The following TMC1 variants were observed in gnomAD, a reference collection of about 807,000 sequenced individuals.
TMC1 encodes the protein transmembrane channel-like protein 1.
In TMC1, 84 loss-of-function variants were observed where a neutral mutation model predicts 105.8. The ratio of observed to expected loss-of-function variants is 0.79; its 90% CI spans 0.67 to 0.95. The LOEUF is 0.95. TMC1 is among the 40% of genes least tolerant of loss of function. The probability of loss-of-function intolerance (pLI) is 0.00; values close to 1 mark genes in which losing one functional copy is unlikely to be tolerated. For missense variants in TMC1, 817 were observed against 914.1 expected (o/e 0.89, Z 1.37); for synonymous variants, 315 against 311.5 (o/e 1.01, Z -0.12).
At chr9:72,804,559 C>T (rs1468852423) in intron 17 of TMC1, among the ~76,000 whole-genome samples, 6 of 152,022 alleles carry the variant, frequency 3.9e-5, no homozygotes, top group South Asian at 2.1e-4. Flanking sequence ...CAAATTTTTC[C>T]GTTTTTAATC....
rs889599226 is a variant in TMC1 at position 72,796,310 on chromosome 9, A to G, written c.1566+3958A>G. 2.6e-5 allele frequency among the ~76,000 whole-genome samples: 4 copies of G among 152,290 alleles called. No individual in the cohort carries two copies. The South Asian group carries it at 8.3e-4, about 32-fold the overall frequency. On this transcript the variant is annotated intron_variant, in intron 17 of 23. Transcript: ENST00000297784. ...AGATGTACAAAGAAGAACTGGTAACATTCCTACTGAAGCTATTTCACGAAA... is the reference window on the plus strand; with the variant it reads ...AGATGTACAAAGAAGAACTGGTAACGTTCCTACTGAAGCTATTTCACGAAA...
chr9:72,638,017 A>C (rs1825563427), intron 4 of TMC1, among the ~76,000 whole-genome samples: 1 of 151,986 alleles, frequency 6.6e-6, no homozygotes, highest in African/African-American at 2.4e-5. Flanking sequence ...GAAGCCGTGT[A>C]GATCTTATGG....
intron 17 of TMC1, among the ~76,000 whole-genome samples, chr9:72,802,424 A>G (rs1434998226): frequency 6.6e-6 from 1 of 152,186 alleles, no homozygotes; most frequent in Non-Finnish European, 1.5e-5. Flanking sequence ...TTGTGTGATT[A>G]TATAATTGGA....
chr9:72,619,190 A>AATG (rs1374836533), intron 3 of TMC1, among the ~76,000 whole-genome samples: 2 of 152,216 alleles, frequency 1.3e-5, no homozygotes, highest in Admixed American at 6.5e-5. Context: ...AGTGTCCAGA[A>AATG]ATGGAATAAT....
chr9:72,832,779 G>A (rs569738503), intron 23 of TMC1, among the ~76,000 whole-genome samples: 1 of 152,184 alleles, frequency 6.6e-6, no homozygotes, highest in East Asian at 1.9e-4. Context: ...TATCAGACTA[G>A]TTTTTAATGA....
intron 3 of TMC1, among the ~76,000 whole-genome samples, chr9:72,625,668 A>G (rs1251446482): frequency 6.7e-6 from 1 of 149,950 alleles, no homozygotes; most frequent in Non-Finnish European, 1.5e-5. Flanking sequence ...AGCCTGGGTG[A>G]CAGAGCGAGA....
chr9:72,771,713 T>G (rs1827929634), intron 12 of TMC1, among the ~76,000 whole-genome samples: 1 of 152,148 alleles, frequency 6.6e-6, no homozygotes, highest in African/African-American at 2.4e-5. Flanking sequence ...AAAAGGTGCA[T>G]ATTATAAAGG....
intron 19 of TMC1, among the ~76,000 whole-genome samples, chr9:72,819,884 T>C (rs964139991): frequency 3.3e-5 from 5 of 152,204 alleles, no homozygotes; most frequent in Non-Finnish European, 7.4e-5. Flanking sequence ...GATTTTGAAA[T>C]AATAAATTGC....
intron 12 of TMC1, among the ~76,000 whole-genome samples, chr9:72,770,995 C>T (rs1447079655): frequency 4.6e-5 from 7 of 152,178 alleles, no homozygotes; most frequent in South Asian, 4.1e-4. Flanking sequence ...GACACCCTCC[C>T]GGGCATACCC....
chr9:72,698,186 T>C (rs1285479077), intron 7 of TMC1, among the ~76,000 whole-genome samples: 1 of 152,204 alleles, frequency 6.6e-6, no homozygotes, highest in Non-Finnish European at 1.5e-5. Flanking sequence ...GAGATGTATC[T>C]TAGAAGAGTG....
At chr9:72,650,897 T>TATATATATATATATATATAA (rs1564468529) in intron 5 of TMC1, among the ~76,000 whole-genome samples, 12 of 142,540 alleles carry the variant, frequency 8.4e-5, no homozygotes, top group African/African-American at 2.8e-4. Flanking sequence ...TATAGATATA[T>TATATATATATATATATATAA]ATATAAATAT....
chr9:72,650,892 A>ATATATATATATATATATC (rs1825799322), intron 5 of TMC1, among the ~76,000 whole-genome samples: 1 of 138,804 alleles, frequency 7.2e-6, no homozygotes, highest in African/African-American at 2.7e-5. Context: ...AGATATATAG[A>ATATATATATATATATATC]TATATATATA....
At chr9:72,743,477 GA>G (rs1369560672) in intron 10 of TMC1, among the ~76,000 whole-genome samples, 2 of 149,886 alleles carry the variant, frequency 1.3e-5, no homozygotes, top group African/African-American at 4.9e-5. Flanking sequence ...TGAAGCAAGA[GA>G]ATCACTTGAA....
chr9:72,783,588 A>G (rs1828126166), intron 13 of TMC1, among the ~76,000 whole-genome samples: 1 of 152,198 alleles, frequency 6.6e-6, no homozygotes. Context: ...CTCAACTGTC[A>G]GTCTCCTCTG....
At chr9:72,788,533 A>G (rs1424329066) in intron 14 of TMC1, 50 bp downstream of exon 14, 1 of 1,593,164 alleles carries the variant, frequency 6.3e-7, no homozygotes, top group African/African-American at 1.3e-5. Context: ...TAAGAGTAAA[A>G]TTGGAGGCAT....
intron 19 of TMC1, among the ~76,000 whole-genome samples, chr9:72,818,513 A>G (rs1410338167): frequency 6.6e-6 from 1 of 152,172 alleles, no homozygotes; most frequent in Non-Finnish European, 1.5e-5. Context: ...AGTTTTGGAC[A>G]TTGCTCCAAC....
intron 1 of TMC1, among the ~76,000 whole-genome samples, chr9:72,576,958 A>G (rs1824392705): frequency 6.6e-6 from 1 of 152,044 alleles, no homozygotes; most frequent in African/African-American, 2.4e-5. Flanking sequence ...ACCTCCTGGA[A>G]CGTGCTTTAC....
intron 13 of TMC1, 77 bp from the exon 14 acceptor site, chr9:72,788,262 A>T (rs1828202669): frequency 1.3e-6 from 2 of 1,516,050 alleles, no homozygotes; most frequent in Admixed American, 1.7e-5. Flanking sequence ...CCACTTCAAC[A>T]CTCATGATCA....
intron 21 of TMC1, among the ~76,000 whole-genome samples, chr9:72,827,567 C>G (rs1828976387): frequency 6.6e-6 from 1 of 152,232 alleles, no homozygotes; most frequent in African/African-American, 2.4e-5. Context: ...TCTGTCCCTT[C>G]AAAGTCAGAA....
Sources: allele counts gnomAD v4.1 joint callset (sites outside exome capture counted in the v4.1 genomes callset), GRCh38; gene constraint gnomAD v4.1.1; transcripts MANE v1.5; gene names NCBI Gene and HGNC (gene_info 2026-07-23, HGNC 2026-07-21).